The following ZNF609 variants were observed in gnomAD, a reference collection of about 807,000 sequenced individuals.
ZNF609 encodes the protein zinc finger protein 609.
A neutral mutation model predicts 109.5 loss-of-function variants in ZNF609; 11 were observed. The observed-to-expected ratio is 0.10, with a 90% CI of 0.06 to 0.17. ZNF609 has a LOEUF of 0.17. Among genes scored for constraint, ZNF609 ranks in the 10% least tolerant of loss-of-function variants. ZNF609 has a pLI of 1.00. For missense variants in ZNF609, 1,559 were observed against 1,772.4 expected (o/e 0.88, Z 2.16); for synonymous variants, 646 against 662.0 (o/e 0.98, Z 0.37).
chr15:64,624,313 G>GA (rs2140973838), intron 3 of ZNF609, among the ~76,000 whole-genome samples: 1 of 152,230 alleles, frequency 6.6e-6, no homozygotes, highest in East Asian at 1.9e-4. Context: ...TATACAATCT[G>GA]AAAATCACAA....
chr15:64,522,024 C>G (rs779601406), intron 2 of ZNF609, among the ~76,000 whole-genome samples: 6 of 152,112 alleles, frequency 3.9e-5, no homozygotes, highest in Admixed American at 3.9e-4. Context: ...TCTGGTGACT[C>G]GAGACAAAAG....
At chr15:64,676,486 A>C (rs781123475) in intron 5 of ZNF609, among the ~76,000 whole-genome samples, 1 of 152,164 alleles carries the variant, frequency 6.6e-6, no homozygotes, top group Non-Finnish European at 1.5e-5. Flanking sequence ...GCTAGAGTGC[A>C]GTGGTGCAAT....
intron 1 of ZNF609, among the ~76,000 whole-genome samples, chr15:64,478,031 T>C (rs529000462): frequency 6.6e-6 from 1 of 152,308 alleles, no homozygotes; most frequent in African/African-American, 2.4e-5. Context: ...TGAGGATATA[T>C]TGGGACCCAT....
intron 2 of ZNF609, among the ~76,000 whole-genome samples, chr15:64,588,779 C>T (rs1257740807): frequency 6.6e-6 from 1 of 151,790 alleles, no homozygotes; most frequent in Non-Finnish European, 1.5e-5. Context: ...GCTGGGATTA[C>T]AGGCATGTGT....
At chr15:64,547,267 A>T (rs571918335) in intron 2 of ZNF609, among the ~76,000 whole-genome samples, 1 of 152,076 alleles carries the variant, frequency 6.6e-6, no homozygotes, top group Admixed American at 6.6e-5. Flanking sequence ...GGAGATAGTC[A>T]TGGTGTTAAT....
intron 2 of ZNF609, among the ~76,000 whole-genome samples, chr15:64,504,727 T>G (rs1351870114): frequency 6.6e-6 from 1 of 151,762 alleles, no homozygotes; most frequent in Non-Finnish European, 1.5e-5. Context: ...GTGATCCACC[T>G]GCTTCGGCCT....
chr15:64,549,174 G>T (rs7180083), intron 2 of ZNF609, among the ~76,000 whole-genome samples: 3,186 of 152,162 alleles, frequency 0.021, 119 homozygotes, highest in African/African-American at 0.07. Context: ...GTTTTTGTTT[G>T]TTTGTTTTGG....
chr15:64,546,647 A>AT (rs1221561889), intron 2 of ZNF609, among the ~76,000 whole-genome samples: 15 of 150,776 alleles, frequency 9.9e-5, no homozygotes, highest in Non-Finnish European at 1.6e-4. Context: ...TAATTTTTAA[A>AT]TTTTTTTGTA....
In ZNF609 at chr15:64,675,859, G is replaced by T; in HGVS notation, c.3005G>T (p.Arg1002Leu). Residue 1002 changes from arginine to leucine, a missense_variant, in exon 5 of 10, where the codon CGG (arginine) becomes CTG (leucine). This residue lies in a region of ZNF609 where 1,204 missense variants were observed against 1,314.1 expected (regional missense o/e 0.92). Transcript: ENST00000326648. The part of the protein sequence containing the change: ...THLLSTNTAY[R>L]QQYEEQQKRQ... ...CTTCTGAGCACTAACACGGCTTACCGGCAGCAGTACGAAGAACAGCAGAAA... is the reference window on the plus strand; with the variant it reads ...CTTCTGAGCACTAACACGGCTTACCTGCAGCAGTACGAAGAACAGCAGAAA... 6.2e-7 allele frequency: 1 copy of T among 1,614,190 alleles called. No homozygotes were observed. The highest frequency in any genetic ancestry group is 8.5e-7 in the Non-Finnish European group (1 of 1,180,046).
chr15:64,500,894 TA>T (rs1183190389), intron 2 of ZNF609: 1 of 158,802 alleles, frequency 6.3e-6, no homozygotes, highest in Non-Finnish European at 1.4e-5. Flanking sequence ...AGTGTAATGA[TA>T]CCTTGCCTTC....
At chr15:64,634,285 T>G (rs1175938048) in intron 3 of ZNF609, among the ~76,000 whole-genome samples, 1 of 152,190 alleles carries the variant, frequency 6.6e-6, no homozygotes, top group African/African-American at 2.4e-5. Flanking sequence ...GGCTGCAGTT[T>G]TCTCATTATC....
At chr15:64,645,684 G>GA (rs1170912833) in intron 3 of ZNF609, among the ~76,000 whole-genome samples, 1 of 152,060 alleles carries the variant, frequency 6.6e-6, no homozygotes, top group Non-Finnish European at 1.5e-5. Context: ...GATCAACAAT[G>GA]AAAAACCCAA....
chr15:64,508,236 T>G (rs1465369494), intron 2 of ZNF609, among the ~76,000 whole-genome samples: 2 of 152,238 alleles, frequency 1.3e-5, no homozygotes, highest in Non-Finnish European at 2.9e-5. Context: ...GGGTTGGTAT[T>G]ACAAAGCAAT....
intron 2 of ZNF609, among the ~76,000 whole-genome samples, chr15:64,563,467 T>C (rs1567015395): frequency 6.6e-6 from 1 of 150,718 alleles, no homozygotes. Context: ...AAAAAAATAA[T>C]TGAAAATAAC....
chr15:64,577,025 T>TATATATATGTATATATACACACAA (rs1894979208), intron 2 of ZNF609, among the ~76,000 whole-genome samples: 1 of 42,254 alleles, frequency 2.4e-5, no homozygotes, highest in African/African-American at 6.0e-5. Flanking sequence ...TACACATAAA[T>TATATATATGTATATATACACACAA]ATATATATGT....
chr15:64,552,067 C>T (rs766960669), intron 2 of ZNF609, among the ~76,000 whole-genome samples: 17 of 151,048 alleles, frequency 1.1e-4, no homozygotes, highest in Non-Finnish European at 2.1e-4. Flanking sequence ...GTTCTTGATA[C>T]GTTGTGCATG....
chr15:64,471,425 T>C (rs1437886752), intron 1 of ZNF609: 1 of 152,158 alleles, frequency 6.6e-6, no homozygotes, highest in Non-Finnish European at 1.5e-5. Context: ...CTTGTTTGTT[T>C]TGGATCATTA....
chr15:64,681,610 A>G (rs1011520624), intron 9 of ZNF609, 82 bp from the exon 10 acceptor site: 7 of 407,732 alleles, frequency 1.7e-5, no homozygotes, highest in East Asian at 3.6e-5. Context: ...CACTCCTACA[A>G]TTCATTTTCT....
At position 64,675,632 on chromosome 15, in the gene ZNF609, A is replaced by G. The variant is rs1432752210; in HGVS notation, c.2778A>G (p.Thr926=). The G allele has an allele frequency of 1.2e-6, 2 of 1,613,918 alleles. No homozygotes were observed. Among genetic ancestry groups the G allele is most frequent in the Admixed American group, 3.3e-5 (2 of 60,000 alleles). The part of the protein sequence containing the change: ...QAGVESQALK[T]KRDEEPESIE... ...GAGTGGAGAGCCAGGCCCTGAAGAC[A>G]AAAAGGGATGAGGAACCTGAGAGCA... Residue 926 remains threonine (T), a synonymous_variant, in exon 5 of 10, where the codon ACA becomes ACG. Transcript: ENST00000326648.
Sources: gnomAD v4.1 joint callset for allele counts (sites outside exome capture counted in the v4.1 genomes callset) on GRCh38, gnomAD v4.1.1 for gene constraint, gnomAD v4.1.1 regional missense constraint, MANE v1.5 for transcripts, NCBI Gene and HGNC (gene_info 2026-07-23, HGNC 2026-07-21) for gene names.